The following MIB1 variants were observed in gnomAD, a reference collection of about 807,000 sequenced individuals.
The protein encoded by MIB1 is MIB E3 ubiquitin protein ligase 1.
Under a neutral mutation model 124.5 loss-of-function variants are expected in MIB1, and 278 were observed. That is an observed-to-expected ratio of 2.23 (90% CI 2.02 to 2.47). MIB1 has a LOEUF of 2.47. MIB1 is among the 30% of genes most tolerant of loss of function. The pLI, the probability that MIB1 is intolerant of heterozygous loss-of-function variation, is 0.00. For synonymous variants in MIB1, 446 were observed against 429.4 expected, an observed-to-expected ratio of 1.04 and a Z score of -0.48; for missense variants, 957 against 1,254.4, an observed-to-expected ratio of 0.76 and a Z score of 3.58.
intron 11 of MIB1, chr18:21,817,616 A>G (rs758873987): frequency 1.1e-5 from 4 of 377,654 alleles, no homozygotes; most frequent in South Asian, 7.9e-5. Context: ...TTACAAAAAC[A>G]GGTGGCTCCA....
At chr18:21,738,851 A>C (rs2040809091), upstream of MIB1, among the ~76,000 whole-genome samples, 6 of 139,514 alleles carry the variant, frequency 4.3e-5, no homozygotes, top group Non-Finnish European at 7.7e-5. Flanking sequence ...AAAAAAAAAA[A>C]AAAAAAAAAA....
chr18:21,856,174 G>A (rs2042224668), intron 18 of MIB1, among the ~76,000 whole-genome samples: 1 of 148,386 alleles, frequency 6.7e-6, no homozygotes. Flanking sequence ...AGCTTGCAGT[G>A]AGCTGAGATT....
rs571066924 is a variant in MIB1 at position 21,814,902 on chromosome 18, C to A, written c.1480-714C>A. Among the ~76,000 whole-genome samples, 42 of 149,286 alleles carry A rather than the reference C, an allele frequency of 2.8e-4. 1 individual carries two copies. The South Asian group carries it at 7.4e-3, about 26-fold the overall frequency. On this transcript the variant is annotated intron_variant, in intron 10 of 20. Coordinates refer to ENST00000261537, the MANE Select transcript of MIB1 (RefSeq NM_020774.4). ...GACCCTGATTCTTTAAAAACAACAA[C>A]AACAACAACAACAAAAATGGTCTTT...
At chr18:21,863,601 AC>A (rs1349699324) in intron 20 of MIB1, among the ~76,000 whole-genome samples, 2 of 152,042 alleles carry the variant, frequency 1.3e-5, no homozygotes, top group East Asian at 3.9e-4. Context: ...TCTCCCCTCT[AC>A]TACCTGGGTC....
intron 20 of MIB1, among the ~76,000 whole-genome samples, chr18:21,862,315 T>A (rs1179901893): frequency 6.6e-6 from 1 of 152,236 alleles, no homozygotes; most frequent in Admixed American, 6.5e-5. Context: ...CTACAATTCC[T>A]TTTACAATGA....
At chr18:21,848,711 AAAAATGTC>A (rs2042156150) in intron 16 of MIB1, among the ~76,000 whole-genome samples, 1 of 152,162 alleles carries the variant, frequency 6.6e-6, no homozygotes, top group Non-Finnish European at 1.5e-5. Flanking sequence ...GGATACACTT[AAAAATGTC>A]AAAACAGCAG....
intron 1 of MIB1, among the ~76,000 whole-genome samples, chr18:21,748,690 C>CA (rs1188556768): frequency 2.0e-5 from 3 of 149,564 alleles, no homozygotes; most frequent in Non-Finnish European, 4.4e-5. Context: ...CTTGGCCTCC[C>CA]AAAGTGCTGG....
At chr18:21,742,535 A>C (rs1435596679) in intron 1 of MIB1, among the ~76,000 whole-genome samples, 1 of 152,154 alleles carries the variant, frequency 6.6e-6, no homozygotes, top group East Asian at 1.9e-4. Context: ...TGATGTCAGA[A>C]TCTTACTCAT....
At chr18:21,812,755 G>C (rs2041788840) in intron 10 of MIB1, among the ~76,000 whole-genome samples, 1 of 152,170 alleles carries the variant, frequency 6.6e-6, no homozygotes, top group Non-Finnish European at 1.5e-5. Context: ...TTTAATTTGA[G>C]GCCTCTTTAT....
At chr18:21,836,110 TG>T (rs1235264100) in intron 12 of MIB1, among the ~76,000 whole-genome samples, 4 of 150,904 alleles carry the variant, frequency 2.7e-5, no homozygotes, top group Non-Finnish European at 5.9e-5. Flanking sequence ...AAAAATTAGC[TG>T]GGCTTGGTGG....
intron 8 of MIB1, among the ~76,000 whole-genome samples, chr18:21,798,531 T>G (rs2041612642): frequency 6.6e-6 from 1 of 152,154 alleles, no homozygotes; most frequent in African/African-American, 2.4e-5. Context: ...AAATTCAGAA[T>G]TCTACTCTTT....
chr18:21,799,745 T>C, intron 8 of MIB1, 96 bp from the exon 9 acceptor site: 4 of 1,180,632 alleles, frequency 3.4e-6, no homozygotes, highest in Non-Finnish European at 4.6e-6. Context: ...AAGAATAAAA[T>C]AGGAAAAGAT....
At chr18:21,808,017 A>G (rs932612171) in intron 10 of MIB1, among the ~76,000 whole-genome samples, 2 of 152,212 alleles carry the variant, frequency 1.3e-5, no homozygotes, top group Non-Finnish European at 2.9e-5. Flanking sequence ...TTATTTCATT[A>G]GTAAATATTT....
chr18:21,752,541 C>T (rs1282956378), intron 1 of MIB1, among the ~76,000 whole-genome samples: 1 of 152,070 alleles, frequency 6.6e-6, no homozygotes, highest in Non-Finnish European at 1.5e-5. Flanking sequence ...ATTCATACAA[C>T]GAACTCATGT....
intron 20 of MIB1, among the ~76,000 whole-genome samples, chr18:21,860,813 T>C (rs2042270187): frequency 6.6e-6 from 1 of 152,108 alleles, no homozygotes; most frequent in African/African-American, 2.4e-5. Context: ...GCTGGGAGAA[T>C]TGCTTGAGCC....
chr18:21,819,647 G>C lies in MIB1; in HGVS notation c.1829+1G>C, dbSNP rs375597323. 6.6e-7 allele frequency: 1 copy of C among 1,524,274 alleles called. No homozygotes were observed. Among genetic ancestry groups the C allele is most frequent in the Non-Finnish European group, 8.8e-7 (1 of 1,132,280 alleles). The allele number at this position is 1,524,274 out of a possible 1,614,324, so 94.4% of individuals were successfully genotyped here. On this transcript the variant is annotated splice_donor_variant, in intron 12 of 20. Transcript: ENST00000261537. LOFTEE classifies it high-confidence loss of function. ...ATGCTGCACTAAGGGGAAATCCCAG[G>C]TATGTCACCCCTTACTATTTTAGGT... is the stretch of plus-strand genomic sequence containing the variant.
In MIB1 at chr18:21,865,304, A is replaced by G. The variant is rs2042312092; in HGVS notation, c.*638A>G. On this transcript the variant is annotated 3_prime_UTR_variant, in exon 21 of 21. Coordinates refer to ENST00000261537, the MANE Select transcript of MIB1 (RefSeq NM_020774.4). ...CTCTTGTTTTCTAGATTCAAAAGGA[A>G]CATTGTTTAACTTGAATCAGATTAC... The G allele has an allele frequency of 6.6e-6, 1 of 152,214 alleles. No homozygotes were observed. Among genetic ancestry groups the G allele is most frequent in the Non-Finnish European group, 1.5e-5 (1 of 68,036 alleles). 9.4% of individuals were successfully genotyped at this position (152,214 alleles called of 1,614,324 possible).
At chr18:21,810,906 A>G (rs1337164687) in intron 10 of MIB1, among the ~76,000 whole-genome samples, 8 of 152,110 alleles carry the variant, frequency 5.3e-5, no homozygotes, top group Non-Finnish European at 1.0e-4. Flanking sequence ...ATTAAAAACA[A>G]CGTGTATCAA....
chr18:21,801,382 G>A (rs2041649030), intron 9 of MIB1, among the ~76,000 whole-genome samples: 1 of 152,130 alleles, frequency 6.6e-6, no homozygotes, highest in Non-Finnish European at 1.5e-5. Flanking sequence ...ATTAAAATTA[G>A]TTGTGTATGT....
Sources: gnomAD v4.1 joint callset for allele counts (sites outside exome capture counted in the v4.1 genomes callset) on GRCh38, gnomAD v4.1.1 for gene constraint, MANE v1.5 for transcripts, NCBI Gene and HGNC (gene_info 2026-07-23, HGNC 2026-07-21) for gene names.